ATF7IP: variants seen among roughly 807,000 people sequenced by gnomAD.
ATF7IP encodes activating transcription factor 7 interacting protein, also known as activating transcription factor 7-interacting protein 1.
Under a neutral mutation model 106.4 loss-of-function variants are expected in ATF7IP, and 23 were observed. The ratio of observed to expected loss-of-function variants is 0.22; its 90% CI spans 0.16 to 0.31. The LOEUF (loss-of-function observed/expected upper bound fraction) is 0.31. Among genes scored for constraint, ATF7IP ranks in the 10% least tolerant of loss-of-function variants. The probability of loss-of-function intolerance (pLI) is 1.00; values close to 1 mark genes in which losing one functional copy is unlikely to be tolerated. For missense variants in ATF7IP, 1,334 were observed against 1,524.3 expected (o/e 0.88, Z 2.08); for synonymous variants, 542 against 539.0 (o/e 1.01, Z -0.08).
At chr12:14,497,486 A>G (rs1339807641) in intron 14 of ATF7IP, among the ~76,000 whole-genome samples, 168 bp from the exon 15 acceptor site, 1 of 152,224 alleles carries the variant, frequency 6.6e-6, no homozygotes, top group East Asian at 1.9e-4. Context: ...ATGATTCATT[A>G]CAAAACCCCA....
intron 5 of ATF7IP, among the ~76,000 whole-genome samples, chr12:14,438,916 G>C (rs1942557993): frequency 6.6e-6 from 1 of 152,068 alleles, no homozygotes; most frequent in Non-Finnish European, 1.5e-5. Context: ...ACTAAAGGAA[G>C]GCTGTCATTT....
intron 13 of ATF7IP, among the ~76,000 whole-genome samples, chr12:14,485,419 C>G (rs1053903686): frequency 1.3e-5 from 2 of 152,038 alleles, no homozygotes; most frequent in African/African-American, 4.8e-5. Context: ...GGTAGAAGGT[C>G]CCTGCATTTA....
intron 1 of ATF7IP, among the ~76,000 whole-genome samples, chr12:14,402,697 C>T (rs1464019210): frequency 6.6e-6 from 1 of 151,098 alleles, no homozygotes; most frequent in African/African-American, 2.4e-5. Context: ...CAACCTCTGC[C>T]TCCTGGGTTC....
intron 5 of ATF7IP, 37 bp from the exon 6 acceptor site, chr12:14,446,951 G>GATTTCC: frequency 7.4e-7 from 1 of 1,343,600 alleles, no homozygotes; most frequent in East Asian, 2.7e-5. Context: ...AATACTATTT[G>GATTTCC]ATTTCCATTC....
intron 13 of ATF7IP, among the ~76,000 whole-genome samples, chr12:14,486,082 TGTG>T (rs1284437693): frequency 2.6e-5 from 4 of 152,186 alleles, no homozygotes; most frequent in African/African-American, 7.2e-5. Context: ...AAGGAGCCAA[TGTG>T]GTGGTTCTGC....
Position 14,492,455 on chromosome 12 carries a change from G to A in ATF7IP, c.3281-3776G>A, listed in dbSNP as rs138970070. Among the ~76,000 whole-genome samples the A allele has an allele frequency of 6.8e-3, 1,035 of 152,244 alleles. 9 individuals carry two copies. Among genetic ancestry groups the A allele is most frequent in the Non-Finnish European group, 0.011 (768 of 68,020 alleles). On this transcript the variant is annotated intron_variant, in intron 13 of 14. Transcript: ENST00000261168. ...ATGTAGTGGGGTCTTTCCTCAAGGG[G>A]ACGAGGCCTCCCCTTCATTCAAGGG...
rs369006598 is a variant in ATF7IP, at chr12:14,466,515, T to G, written c.2798-11T>G. On this transcript the variant is annotated splice_polypyrimidine_tract_variant and intron_variant, in intron 9 of 14. Transcript: ENST00000261168. ...TAGATGTTTTTAAAAATGGCTTTTT[T>G]TACTTTTCAGAAAACCAGACAAACA... 3.8e-6 allele frequency: 6 copies of G among 1,595,834 alleles called. No individual in the cohort carries two copies. Among genetic ancestry groups the G allele is most frequent in the Non-Finnish European group, 5.1e-6 (6 of 1,174,628 alleles).
chr12:14,416,609 C>T (rs2136519404), intron 1 of ATF7IP, among the ~76,000 whole-genome samples: 1 of 152,294 alleles, frequency 6.6e-6, no homozygotes, highest in African/African-American at 2.4e-5. Flanking sequence ...GAAAGCAGTA[C>T]AGACCCTAGT....
In ATF7IP at chr12:14,466,595, G is replaced by T; in HGVS notation, c.2862+5G>T. The T allele has an allele frequency of 4.4e-6, 7 of 1,589,578 alleles. No homozygotes were observed. Among genetic ancestry groups the T allele is most frequent in the Non-Finnish European group, 6.0e-6 (7 of 1,170,420 alleles). ...GCAGCTGATAGCACATCACAGGTAA[G>T]ATTTTTCCTTCTTCTTCAAAGTAAA... is the stretch of plus-strand genomic sequence containing the variant. On this transcript the variant is annotated splice_donor_5th_base_variant and intron_variant, in intron 10 of 14. Transcript: ENST00000261168.
chr12:14,377,726 G>A (rs1938812988), intron 1 of ATF7IP, among the ~76,000 whole-genome samples: 2 of 151,752 alleles, frequency 1.3e-5, no homozygotes, highest in South Asian at 4.2e-4. Context: ...TGATTCTCCT[G>A]CCTCAGCCTC....
intron 9 of ATF7IP, among the ~76,000 whole-genome samples, chr12:14,461,618 G>GT (rs1369375863): frequency 6.6e-6 from 1 of 152,114 alleles, no homozygotes; most frequent in African/African-American, 2.4e-5. Flanking sequence ...GCTATAAAAT[G>GT]TTTGAGTCCT....
At chr12:14,370,627 TC>T (rs1591750078) in intron 1 of ATF7IP, among the ~76,000 whole-genome samples, 1 of 152,158 alleles carries the variant, frequency 6.6e-6, no homozygotes, top group African/African-American at 2.4e-5. Context: ...ATTACACACT[TC>T]CTGTAGACTA....
chr12:14,374,076 T>C (rs76628995), intron 1 of ATF7IP, among the ~76,000 whole-genome samples: 2,085 of 151,758 alleles, frequency 0.014, 64 homozygotes, highest in African/African-American at 0.048. Flanking sequence ...AAATATACAT[T>C]TTCCATGATG....
intron 1 of ATF7IP, among the ~76,000 whole-genome samples, chr12:14,411,764 G>A (rs1940927084): frequency 6.6e-6 from 1 of 151,614 alleles, no homozygotes; most frequent in South Asian, 2.1e-4. Context: ...TTTGCAGCAC[G>A]AACAGTTTTA....
At chr12:14,407,820 C>T (rs1940686228) in intron 1 of ATF7IP, among the ~76,000 whole-genome samples, 1 of 152,018 alleles carries the variant, frequency 6.6e-6, no homozygotes. Flanking sequence ...GTATAAGACA[C>T]TACTTTTTGT....
chr12:14,468,032 C>A (rs765796839), intron 10 of ATF7IP, among the ~76,000 whole-genome samples: 1 of 151,296 alleles, frequency 6.6e-6, no homozygotes, highest in Non-Finnish European at 1.5e-5. Flanking sequence ...TTTGGGAGGC[C>A]GAGGCGGGCA....
rs61754409 is a variant in ATF7IP, at chr12:14,496,262, A to T, written c.3312A>T (p.Thr1104=). Residue 1104 remains threonine (T), a synonymous_variant, in exon 14 of 15, where the codon ACA becomes ACT. Coordinates refer to ENST00000261168, the MANE Select transcript of ATF7IP (RefSeq NM_018179.5). ...CAGTTCGAGTGCCTCAAACAACCACATATGTTGTAAACAATGGACTAACCC... is the reference window on the plus strand; with the variant it reads ...CAGTTCGAGTGCCTCAAACAACCACTTATGTTGTAAACAATGGACTAACCC... The part of the protein sequence containing the change: ...SVTVRVPQTT[T]YVVNNGLTLG... 3.7e-6 allele frequency: 6 copies of T among 1,613,710 alleles called. No individual in the cohort carries two copies. Among genetic ancestry groups the T allele is most frequent in the Non-Finnish European group, 5.1e-6 (6 of 1,179,730 alleles).
intron 10 of ATF7IP, among the ~76,000 whole-genome samples, chr12:14,472,777 T>A (rs117456504): frequency 0.016 from 2,364 of 152,242 alleles, 24 homozygotes; most frequent in Non-Finnish European, 0.019. Flanking sequence ...CTAGTTCAAA[T>A]CTCTGTTCAT....
chr12:14,466,281 G>A (rs923849675), intron 9 of ATF7IP: 7 of 392,572 alleles, frequency 1.8e-5, no homozygotes, highest in Non-Finnish European at 3.2e-5. Flanking sequence ...ATGAGATACT[G>A]CTTAGAGTTA....
Sources: gnomAD v4.1 joint callset for allele counts (sites outside exome capture counted in the v4.1 genomes callset) on GRCh38, gnomAD v4.1.1 for gene constraint, MANE v1.5 for transcripts, NCBI Gene and HGNC (gene_info 2026-07-23, HGNC 2026-07-21) for gene names.